FAM110B: variants seen among roughly 807,000 people sequenced by gnomAD.
FAM110B encodes the protein family with sequence similarity 110 member B, also known as protein FAM110B.
In FAM110B, 6 loss-of-function variants were observed where a neutral mutation model predicts 20.4. The ratio of observed to expected loss-of-function variants is 0.29; its 90% CI spans 0.16 to 0.58. The LOEUF (loss-of-function observed/expected upper bound fraction) is 0.58. Ranked by LOEUF, FAM110B falls within the 20% of genes least tolerant of loss-of-function variation. FAM110B has a pLI of 0.90. For synonymous variants in FAM110B, 226 were observed against 214.1 expected, an observed-to-expected ratio of 1.06 and a Z score of -0.49; for missense variants, 434 against 498.2, an observed-to-expected ratio of 0.87 and a Z score of 1.23.
rs903232922 is a variant in FAM110B, at chr8:58,146,841, G to A, written c.611G>A (p.Arg204His). The A allele has an allele frequency of 3.1e-6, 5 of 1,612,898 alleles. No homozygotes were observed. The highest frequency in any genetic ancestry group is 3.4e-6 in the Non-Finnish European group (4 of 1,179,502). The change falls in exon 4 of 4, where the codon CGC becomes CAC. Residue 204 changes from arginine to histidine, a missense_variant. Arg to His is a conservative substitution (Grantham distance 29). This residue lies in a region of FAM110B where 284 missense variants were observed against 278.3 expected (regional missense o/e 1.02). Transcript: ENST00000519262. ...GTGTCCCACAGCTCTTCGGACATCC[G>A]CAAGGTGACCAGCGTGAAGCCCCTC... ...LHVSHSSSDIRKVTSVKPLKA... is the reference protein window; with the variant it reads ...LHVSHSSSDIHKVTSVKPLKA...
At chr8:58,138,841 A>T (rs143501612) in intron 3 of FAM110B, among the ~76,000 whole-genome samples, 60 of 152,326 alleles carry the variant, frequency 3.9e-4, no homozygotes, top group Non-Finnish European at 7.5e-4. Context: ...ATTCCTCAGC[A>T]CACCTCAGGA....
chr8:58,074,752 C>G (rs1409015390), intron 2 of FAM110B, among the ~76,000 whole-genome samples: 1 of 152,114 alleles, frequency 6.6e-6, no homozygotes, highest in Non-Finnish European at 1.5e-5. Context: ...GAGCTTTGCC[C>G]CAGCCAGCCG....
At chr8:58,024,629 G>A (rs1804819135) in intron 1 of FAM110B, among the ~76,000 whole-genome samples, 1 of 152,192 alleles carries the variant, frequency 6.6e-6, no homozygotes, top group South Asian at 2.1e-4. Flanking sequence ...GCCTTACTCA[G>A]TGCTGCTGCT....
Sources: allele counts gnomAD v4.1 joint callset (sites outside exome capture counted in the v4.1 genomes callset), GRCh38; gene constraint gnomAD v4.1.1; regional missense constraint gnomAD v4.1.1; transcripts MANE v1.5; gene names NCBI Gene and HGNC (gene_info 2026-07-23, HGNC 2026-07-21).